NLRP1: variants seen among roughly 807,000 people sequenced by gnomAD.
The protein encoded by NLRP1 is NLR family pyrin domain containing 1.
Under a neutral mutation model 136.7 loss-of-function variants are expected in NLRP1, and 94 were observed. The observed-to-expected ratio is 0.69, with a 90% confidence interval of 0.58 to 0.82. The LOEUF (loss-of-function observed/expected upper bound fraction) is 0.82, where lower values mean the gene tolerates loss of function less well. Ranked by LOEUF, NLRP1 falls within the 40% of genes least tolerant of loss-of-function variation. The probability of loss-of-function intolerance (pLI) is 0.00; values close to 1 mark genes in which losing one functional copy is unlikely to be tolerated. For synonymous variants in NLRP1, 690 were observed against 725.1 expected, an observed-to-expected ratio of 0.95 and a Z score of 0.78; for missense variants, 1,575 against 1,802.7, an observed-to-expected ratio of 0.87 and a Z score of 2.29.
At chr17:5,578,795 T>G (rs1399942952) in intron 3 of NLRP1, among the ~76,000 whole-genome samples, 1 of 152,164 alleles carries the variant, frequency 6.6e-6, no homozygotes, top group African/African-American at 2.4e-5. Context: ...CATGCTGCTA[T>G]AAAGACACAT....
At chr17:5,547,647 A>G (rs900377144) in intron 5 of NLRP1, among the ~76,000 whole-genome samples, 8 of 152,198 alleles carry the variant, frequency 5.3e-5, no homozygotes, top group South Asian at 2.1e-4. Flanking sequence ...GTGTCTTCCT[A>G]CTGGGGTGTG....
At chr17:5,533,575 T>A (rs1409547278) in intron 9 of NLRP1, among the ~76,000 whole-genome samples, 191 bp from the exon 10 acceptor site, 1 of 149,556 alleles carries the variant, frequency 6.7e-6, no homozygotes. Context: ...TTTTTTTTTT[T>A]TAGATGGCAG....
chr17:5,531,045 T>C (rs1910171531), intron 11 of NLRP1, among the ~76,000 whole-genome samples: 2 of 152,160 alleles, frequency 1.3e-5, no homozygotes, highest in African/African-American at 4.8e-5. Context: ...ATGGCAATGA[T>C]GGTAATGATG....
intron 5 of NLRP1, among the ~76,000 whole-genome samples, chr17:5,551,067 A>G (rs975541362): frequency 1.3e-5 from 2 of 152,116 alleles, no homozygotes; most frequent in Non-Finnish European, 2.9e-5. Context: ...CATAGTTTAC[A>G]TTAGGGGTCA....
chr17:5,556,115 TACACAC>T (rs59028107), intron 4 of NLRP1, among the ~76,000 whole-genome samples: 3,977 of 118,912 alleles, frequency 0.033, 131 homozygotes, highest in African/African-American at 0.092. Context: ...TCTCTCTCTC[TACACAC>T]ACACACACAC....
intron 4 of NLRP1, 94 bp from the exon 5 acceptor site, chr17:5,553,650 C>A: frequency 8.5e-7 from 1 of 1,176,802 alleles, no homozygotes; most frequent in Non-Finnish European, 1.2e-6. Context: ...CTTTGTCCCC[C>A]TGAGCACCAG....
At chr17:5,563,773 A>C (rs900969066) in intron 3 of NLRP1, among the ~76,000 whole-genome samples, 8 of 152,220 alleles carry the variant, frequency 5.3e-5, no homozygotes, top group African/African-American at 1.9e-4. Flanking sequence ...AATGCAAAGA[A>C]TCCTTGTGAG....
intron 14 of NLRP1, 82 bp from the exon 15 acceptor site, chr17:5,517,969 C>A: frequency 7.1e-7 from 1 of 1,404,082 alleles, no homozygotes; most frequent in Non-Finnish European, 9.9e-7. Flanking sequence ...CTTGGCCCTG[C>A]TTGGCTCCAT....
rs867015299 is a variant in NLRP1, at chr17:5,542,122, C to A, written c.2529-95G>T. 5 of 1,274,452 alleles carry A rather than the reference C, an allele frequency of 3.9e-6. No individual in the cohort carries two copies. The Middle Eastern group carries it at 9.3e-4, about 236-fold the overall frequency. The allele number at this position is 1,274,452 out of a possible 1,614,324, so 78.9% of individuals were successfully genotyped here. ...CATTAATCACCTACTATGCACCAGG[C>A]CTGTGGGCCAGGCAGAGGTCTAGAA... is the stretch of plus-strand genomic sequence containing the variant. On this transcript the variant is annotated intron_variant, in intron 5 of 16. Transcript: ENST00000572272.
At chr17:5,543,801 T>C (rs575897626) in intron 5 of NLRP1, among the ~76,000 whole-genome samples, 1 of 152,284 alleles carries the variant, frequency 6.6e-6, no homozygotes, top group South Asian at 2.1e-4. Flanking sequence ...CCTGTGGCAC[T>C]CAGTGGAGTC....
At chr17:5,561,075 A>G (rs1354203943) in intron 3 of NLRP1, among the ~76,000 whole-genome samples, 1 of 152,082 alleles carries the variant, frequency 6.6e-6, no homozygotes, top group Non-Finnish European at 1.5e-5. Context: ...TATTTTTTTG[A>G]GGCAGAGTTT....
chr17:5,545,227 G>A (rs1368699300), intron 5 of NLRP1, among the ~76,000 whole-genome samples: 2 of 151,972 alleles, frequency 1.3e-5, no homozygotes, highest in South Asian at 2.1e-4. Flanking sequence ...AGGATGGCTC[G>A]TATCCAGGAG....
intron 3 of NLRP1, among the ~76,000 whole-genome samples, chr17:5,561,359 A>C (rs545482593): frequency 6.7e-6 from 1 of 149,812 alleles, no homozygotes; most frequent in South Asian, 2.1e-4. Context: ...CCAGCCTACT[A>C]TCTTGTCTTT....
chr17:5,509,846 G>T (rs964596514), downstream of NLRP1, among the ~76,000 whole-genome samples: 2 of 152,070 alleles, frequency 1.3e-5, no homozygotes, highest in African/African-American at 4.8e-5. Context: ...AGGGGTCCCT[G>T]TTCCAAGTGG....
At position 5,584,278 on chromosome 17, in the gene NLRP1, G is replaced by A. The variant is rs962381286; in HGVS notation, c.-321C>T. 1 of 430,950 alleles carries A rather than the reference G, an allele frequency of 2.3e-6. No homozygotes were observed. Among genetic ancestry groups the A allele is most frequent in the East Asian group, 4.7e-5 (1 of 21,144 alleles). 26.7% of individuals were successfully genotyped at this position (430,950 alleles called of 1,614,324 possible). On this transcript the variant is annotated 5_prime_UTR_variant, in exon 1 of 17. Transcript: ENST00000572272. ...GAGATGTGGTGACGGGAGATGGGGT[G>A]TGGGCAACGCTCACTGTTCTGTGTT...
intron 14 of NLRP1, chr17:5,518,434 G>A (rs112363229): frequency 0.021 from 3,191 of 152,646 alleles, 45 homozygotes; most frequent in Non-Finnish European, 0.03. Flanking sequence ...GGTCCTGTTG[G>A]CTCTGCCTTC....
At chr17:5,573,861 A>G (rs567032874) in intron 3 of NLRP1, among the ~76,000 whole-genome samples, 16 of 152,230 alleles carry the variant, frequency 1.1e-4, no homozygotes, top group African/African-American at 3.9e-4. Context: ...TGGGGAAAAA[A>G]CTGACCAGAA....
intron 11 of NLRP1, 127 bp from the exon 12 acceptor site, chr17:5,530,831 T>G: frequency 1.5e-6 from 1 of 676,726 alleles, no homozygotes; most frequent in Non-Finnish European, 2.6e-6. Flanking sequence ...CGGAATCAGA[T>G]GGACTTGCAT....
chr17:5,540,358 A>G (rs1029281862), intron 6 of NLRP1, among the ~76,000 whole-genome samples: 7 of 152,132 alleles, frequency 4.6e-5, no homozygotes, highest in African/African-American at 7.2e-5. Flanking sequence ...TACCTGCTGT[A>G]TGTTGTATAT....
Sources: gnomAD v4.1 joint callset for allele counts (sites outside exome capture counted in the v4.1 genomes callset) on GRCh38, gnomAD v4.1.1 for gene constraint, MANE v1.5 for transcripts, NCBI Gene and HGNC (gene_info 2026-07-23, HGNC 2026-07-21) for gene names.